DOK7: variants seen among roughly 807,000 people sequenced by gnomAD.
DOK7 encodes the protein protein Dok-7.
Under a neutral mutation model 30.7 loss-of-function variants are expected in DOK7, and 32 were observed. The observed-to-expected ratio is 1.04, with a 90% confidence interval of 0.79 to 1.40. The LOEUF (loss-of-function observed/expected upper bound fraction) is 1.40. DOK7 is among the 40% of genes most tolerant of loss of function. The pLI, the probability that DOK7 is intolerant of heterozygous loss-of-function variation, is 0.00. For synonymous variants in DOK7, 447 were observed against 324.1 expected, an observed-to-expected ratio of 1.38 and a Z score of -4.07; for missense variants, 1,007 against 699.2, an observed-to-expected ratio of 1.44 and a Z score of -4.97.
downstream of DOK7, among the ~76,000 whole-genome samples, chr4:3,498,356 C>T (rs905523105): frequency 5.5e-4 from 84 of 152,260 alleles, no homozygotes; most frequent in South Asian, 2.1e-3. Context: ...CGTGTGACTC[C>T]GGGTGGTGTT....
chr4:3,480,847 C>T (rs899618554), intron 4 of DOK7, among the ~76,000 whole-genome samples: 5 of 151,958 alleles, frequency 3.3e-5, no homozygotes, highest in African/African-American at 7.3e-5. Context: ...TCAGAGGCTG[C>T]GTGAGACTGA....
rs930816088 is a variant in DOK7 at position 3,493,458 on chromosome 4, C to A, written c.1472C>A (p.Ala491Glu). 2.5e-6 allele frequency: 4 copies of A among 1,610,386 alleles called. No individual in the cohort carries two copies. The highest frequency in any genetic ancestry group is 3.4e-6 in the Non-Finnish European group (4 of 1,178,972). ...HAGPPPAFFS[A>E]CPVCGGLKVN... ...GGGCCACCCCCGGCTTTCTTTTCGGCATGTCCAGTCTGTGGAGGACTCAAG... is the reference window on the plus strand; with the variant it reads ...GGGCCACCCCCGGCTTTCTTTTCGGAATGTCCAGTCTGTGGAGGACTCAAG... The change falls in exon 7 of 7, where the codon GCA becomes GAA. Residue 491 changes from alanine to glutamate, a missense_variant. Physicochemically the swap from Ala to Glu is moderately radical, Grantham distance 107. Coordinates refer to ENST00000340083, the MANE Select transcript of DOK7 (RefSeq NM_173660.5).
chr4:3,493,398 CT>C lies in DOK7; in HGVS notation c.1413del (p.Gly472AlafsTer29), dbSNP rs1472712031. On this transcript the variant is annotated frameshift_variant, in exon 7 of 7. Coordinates refer to ENST00000340083, the MANE Select transcript of DOK7 (RefSeq NM_173660.5). LOFTEE classifies it high-confidence loss of function. The part of the protein sequence containing the change: ...GSEATLPGPA[P>X]GEPWEAGGPH... ...GAGGCCACACTGCCTGGCCCTGCCCCTGGCGAGCCCTGGGAAGCAGGCGGCC... is the reference window on the plus strand; with the variant it reads ...GAGGCCACACTGCCTGGCCCTGCCCCGGCGAGCCCTGGGAAGCAGGCGGCC... 2 of 1,594,860 alleles carry C rather than the reference CT, an allele frequency of 1.3e-6. No homozygotes were observed. The highest frequency in any genetic ancestry group is 1.7e-6 in the Non-Finnish European group (2 of 1,171,148).
downstream of DOK7, among the ~76,000 whole-genome samples, chr4:3,496,103 C>T (rs751368257): frequency 1.6e-4 from 24 of 152,336 alleles, no homozygotes; most frequent in East Asian, 7.7e-4. Context: ...GGGCTGGCCC[C>T]GCTTCTGCTC....
At chr4:3,473,917 G>C (rs958777261) in intron 3 of DOK7, among the ~76,000 whole-genome samples, 1 of 152,302 alleles carries the variant, frequency 6.6e-6, no homozygotes, top group South Asian at 2.1e-4. Flanking sequence ...GAGGGACGTG[G>C]CTTCCCAAAG....
chr4:3,467,993 G>A (rs1394256336), intron 2 of DOK7, among the ~76,000 whole-genome samples: 2 of 152,196 alleles, frequency 1.3e-5, no homozygotes, highest in Non-Finnish European at 1.5e-5. Flanking sequence ...CTAACCCATC[G>A]CCTTGGGGGT....
intron 2 of DOK7, among the ~76,000 whole-genome samples, chr4:3,464,250 T>G (rs1269380953): frequency 6.6e-6 from 1 of 152,082 alleles, no homozygotes; most frequent in Non-Finnish European, 1.5e-5. Flanking sequence ...CCTGTGTGCA[T>G]GGGGGGCTGT....
At chr4:3,500,726 C>T (rs190102000) in exon 8 of DOK7, 3 of 1,535,204 alleles carry the variant, frequency 2.0e-6, no homozygotes, top group East Asian at 4.9e-5. Flanking sequence ...AGATCGACAT[C>T]ATGGCCACCG....
rs1410665778 is a variant in DOK7, at chr4:3,489,586, G to T, written c.653-91G>T. ...AGGGGACTGCCACTCCACAGAGGGG[G>T]ATAACCACTGAGTCAGGCTGGGCCT... On this transcript the variant is annotated intron_variant, in intron 5 of 6. Transcript: ENST00000340083. 7.8e-6 allele frequency: 12 copies of T among 1,544,750 alleles called. No individual in the cohort carries two copies. The East Asian group carries it at 2.2e-4, about 28-fold the overall frequency.
intron 2 of DOK7, among the ~76,000 whole-genome samples, chr4:3,468,698 CTGTGTA>C (rs1184627926): frequency 5.1e-5 from 6 of 118,440 alleles, no homozygotes; most frequent in East Asian, 2.5e-4. Context: ...GCATGTATGT[CTGTGTA>C]TGTGTGTGTA....
At chr4:3,495,202 C>T (rs1728837171), downstream of DOK7, among the ~76,000 whole-genome samples, 3 of 152,240 alleles carry the variant, frequency 2.0e-5, no homozygotes, top group Non-Finnish European at 4.4e-5. Flanking sequence ...TCTTCAGGCG[C>T]TCAATAGCTG....
chr4:3,479,030 C>G (rs1263628808), intron 4 of DOK7, among the ~76,000 whole-genome samples: 2 of 152,156 alleles, frequency 1.3e-5, no homozygotes, highest in African/African-American at 4.8e-5. Flanking sequence ...AGATGACCCC[C>G]AAGAGAGGGC....
At chr4:3,490,391 A>C (rs1728213503) in intron 6 of DOK7, among the ~76,000 whole-genome samples, 2 of 49,604 alleles carry the variant, frequency 4.0e-5, no homozygotes, top group African/African-American at 1.0e-4. Context: ...CCCCCTGCTC[A>C]TTCAGTCCTT....
Position 3,476,342 on chromosome 4 carries a change from T to C in DOK7, c.332T>C (p.Val111Ala), listed in dbSNP as rs1434050621. 1 of 1,594,708 alleles carries C rather than the reference T, an allele frequency of 6.3e-7. No individual in the cohort carries two copies. Among genetic ancestry groups the C allele is most frequent in the Non-Finnish European group, 8.5e-7 (1 of 1,170,572 alleles). ...DARIRYALGE[V>A]HRFHVTVAPG... ...GCCCTCTTGCCCCGCCTGCCCGCAGTGCATAGGTTCCATGTGACAGTGGCT... is the reference window on the plus strand; with the variant it reads ...GCCCTCTTGCCCCGCCTGCCCGCAGCGCATAGGTTCCATGTGACAGTGGCT... Residue 111 changes from valine (V) to alanine (A), a missense_variant and splice_region_variant, in exon 4 of 7, where the codon GTG becomes GCG. Physicochemically the swap from Val to Ala is moderately conservative, Grantham distance 64. Coordinates refer to ENST00000340083, the MANE Select transcript of DOK7 (RefSeq NM_173660.5).
intron 2 of DOK7, among the ~76,000 whole-genome samples, chr4:3,468,053 T>C (rs1726413748): frequency 1.3e-5 from 2 of 152,234 alleles, no homozygotes; most frequent in African/African-American, 2.4e-5. Context: ...ACTGAGTGCA[T>C]GAGTGCACGC....
At chr4:3,489,852 A>ACTC (rs1728085169) in intron 6 of DOK7, 56 bp downstream of exon 6, 12 of 1,547,248 alleles carry the variant, frequency 7.8e-6, no homozygotes, top group Middle Eastern at 1.7e-4. Flanking sequence ...CCAGCAGGAG[A>ACTC]GCTCAGGAGG....
At chr4:3,492,592 T>G (rs1231581394) in intron 6 of DOK7, among the ~76,000 whole-genome samples, 167 bp from the exon 7 acceptor site, 2 of 150,994 alleles carry the variant, frequency 1.3e-5, no homozygotes, top group Non-Finnish European at 3.0e-5. Flanking sequence ...GTAGAGGGGT[T>G]GTTGTTGGTG....
intron 4 of DOK7, among the ~76,000 whole-genome samples, chr4:3,480,723 C>T (rs758729153): frequency 6.6e-6 from 1 of 152,236 alleles, no homozygotes; most frequent in Non-Finnish European, 1.5e-5. Context: ...CTGCAGCCTG[C>T]GGGGGCAGCC....
At chr4:3,470,420 AG>A (rs1186587727) in intron 2 of DOK7, among the ~76,000 whole-genome samples, 3 of 152,220 alleles carry the variant, frequency 2.0e-5, no homozygotes, top group African/African-American at 7.2e-5. Flanking sequence ...GGCGTTCCCA[AG>A]GTGCAGGATG....
Sources: gnomAD v4.1 joint callset for allele counts (sites outside exome capture counted in the v4.1 genomes callset) on GRCh38, gnomAD v4.1.1 for gene constraint, MANE v1.5 for transcripts, NCBI Gene and HGNC (gene_info 2026-07-23, HGNC 2026-07-21) for gene names.